The following MXI1 variants were observed in gnomAD, a reference collection of about 807,000 sequenced individuals.
The protein encoded by MXI1 is MAX interactor 1, dimerization protein, also known as max-interacting protein 1.
MXI1 carries 18 observed loss-of-function variants against 36.9 expected under a neutral mutation model. The ratio of observed to expected loss-of-function variants is 0.49; its 90% CI spans 0.34 to 0.72. The LOEUF (loss-of-function observed/expected upper bound fraction) is 0.72, where lower values mean the gene tolerates loss of function less well. Ranked by LOEUF, MXI1 falls within the 30% of genes least tolerant of loss-of-function variation. MXI1 has a pLI of 0.01. For synonymous variants in MXI1, 160 were observed against 146.7 expected (o/e 1.09, Z -0.65); for missense variants, 304 against 379.1 (o/e 0.80, Z 1.64).
At chr10:110,254,792 G>C (rs1856227521) in intron 3 of MXI1, among the ~76,000 whole-genome samples, 1 of 152,132 alleles carries the variant, frequency 6.6e-6, no homozygotes, top group Non-Finnish European at 1.5e-5. Context: ...TTCTGTGAAG[G>C]CTAAGAGAGG....
At chr10:110,280,284 T>C (rs1170729310) in intron 5 of MXI1, among the ~76,000 whole-genome samples, 199 bp downstream of exon 5, 2 of 151,096 alleles carry the variant, frequency 1.3e-5, no homozygotes, top group Non-Finnish European at 3.0e-5. Flanking sequence ...AAAAAAAATA[T>C]ATTTATATAT....
Position 110,284,984 on chromosome 10 carries a change from A to C in MXI1, c.885A>C (p.Ser295=), listed in dbSNP as rs1258735180. The change falls in exon 6 of 6, where the codon TCA becomes TCC. Residue 295 remains serine, a synonymous_variant. Coordinates refer to ENST00000332674, the MANE Select transcript of MXI1 (RefSeq NM_130439.3). ...CCAGTGTCAAACTTTCATTCACTTC[A>C]TAGAACCCAGCATGACATAACAGTG... The part of the protein sequence containing the change: ...SSASVKLSFT[S] The C allele has an allele frequency of 8.1e-6, 13 of 1,611,608 alleles. No homozygotes were observed. The highest frequency in any genetic ancestry group is 1.1e-5 in the Non-Finnish European group (13 of 1,179,088).
chr10:110,251,010 T>TAAA lies in MXI1; in HGVS notation c.437+6177_437+6179dup, dbSNP rs60315131. Among the ~76,000 whole-genome samples, 102 of 54,898 alleles carry TAAA rather than the reference T, an allele frequency of 1.9e-3. 1 individual carries two copies. The highest frequency in any genetic ancestry group is 7.3e-3 in the African/African-American group (73 of 9,978). 36.0% of individuals were successfully genotyped at this position (54,898 alleles called of 152,430 possible). A position where few individuals can be genotyped will look rare whatever the true frequency, so the allele number is the denominator to read the frequency against. Reference sequence around the variant, plus strand: ...CAAGGAGAAGTGACTAAGTATTTGTTAAAAAAAAAAAAAAAAAAAAAAAAA... The same window carrying TAAA: ...CAAGGAGAAGTGACTAAGTATTTGTTAAAAAAAAAAAAAAAAAAAAAAAAAAAA... On this transcript the variant is annotated intron_variant, in intron 3 of 5. Transcript: ENST00000332674.
chr10:110,227,132 G>A (rs1319637045), intron 1 of MXI1, among the ~76,000 whole-genome samples: 1 of 105,932 alleles, frequency 9.4e-6, no homozygotes, highest in African/African-American at 3.8e-5. Flanking sequence ...CGCACGTTAG[G>A]GGAGGGGCGT....
intron 1 of MXI1, chr10:110,226,182 A>G: frequency 6.8e-7 from 1 of 1,461,108 alleles, no homozygotes; most frequent in Non-Finnish European, 9.0e-7. Context: ...GGGAGTGCGG[A>G]GAGGCGCCGG....
At chr10:110,222,710 T>C (rs1854848868) in intron 1 of MXI1, among the ~76,000 whole-genome samples, 2 of 152,216 alleles carry the variant, frequency 1.3e-5, no homozygotes, top group South Asian at 4.1e-4. Flanking sequence ...AAGCCTTGCT[T>C]TTCCTGTTTC....
intron 3 of MXI1, chr10:110,245,759 G>C (rs1290766730): frequency 6.6e-6 from 1 of 152,148 alleles, no homozygotes; most frequent in Admixed American, 6.6e-5. Flanking sequence ...GAATTGGTTG[G>C]TTGGGAGAAG....
At chr10:110,280,213 A>C (rs1857182840) in intron 5 of MXI1, 128 bp downstream of exon 5, 1 of 735,554 alleles carries the variant, frequency 1.4e-6, no homozygotes, top group Non-Finnish European at 2.0e-6. Flanking sequence ...GGTTTTATGC[A>C]ATCATAATAT....
intron 3 of MXI1, among the ~76,000 whole-genome samples, chr10:110,246,806 T>C (rs1286477019): frequency 1.3e-5 from 2 of 152,196 alleles, no homozygotes. Context: ...AAGAATCTTT[T>C]CTGCCTTTTA....
chr10:110,261,539 T>C (rs1856513359), intron 3 of MXI1, among the ~76,000 whole-genome samples: 1 of 151,954 alleles, frequency 6.6e-6, no homozygotes, highest in South Asian at 2.1e-4. Context: ...TCCTCTAAAA[T>C]TACGTGATAG....
intron 3 of MXI1, among the ~76,000 whole-genome samples, chr10:110,278,707 T>G (rs551263895): frequency 1.4e-4 from 16 of 113,204 alleles, no homozygotes; most frequent in African/African-American, 5.9e-4. Flanking sequence ...GTAGGGTGTG[T>G]GTGTGTGTGT....
chr10:110,210,240 A>T (rs1854478204), intron 1 of MXI1: 2 of 984,404 alleles, frequency 2.0e-6, no homozygotes, highest in African/African-American at 1.8e-5. Context: ...CCATCGCCCG[A>T]GGCGTCCGCC....
At chr10:110,220,712 C>G (rs549719582) in intron 1 of MXI1, among the ~76,000 whole-genome samples, 2 of 152,322 alleles carry the variant, frequency 1.3e-5, no homozygotes, top group East Asian at 1.9e-4. Context: ...TTTGAAAGAA[C>G]AGACTATTGC....
At chr10:110,271,024 G>A (rs917065707) in intron 3 of MXI1, among the ~76,000 whole-genome samples, 9 of 151,686 alleles carry the variant, frequency 5.9e-5, no homozygotes, top group African/African-American at 1.9e-4. Context: ...CCTGGGAGGC[G>A]GAGGTTGCAG....
intron 3 of MXI1, among the ~76,000 whole-genome samples, chr10:110,249,570 C>G (rs558605259): frequency 1.4e-3 from 177 of 129,914 alleles, no homozygotes; most frequent in Non-Finnish European, 1.6e-3. Flanking sequence ...CAGAGCAAGA[C>G]TTTGTCAAAA....
chr10:110,216,034 A>G (rs757489818), intron 1 of MXI1, among the ~76,000 whole-genome samples: 2 of 152,232 alleles, frequency 1.3e-5, no homozygotes, highest in African/African-American at 2.4e-5. Context: ...AAAGCTGTCA[A>G]CAGCTGACTT....
At position 110,285,084 on chromosome 10, in the gene MXI1, TAAAACAAAAC is replaced by T. The variant is rs16448; in HGVS notation, c.*113_*122del. ...TGGGTTCATGATGCAGTCTCCTCTT[TAAAACAAAAC>T]AAAACAAAACAAAACTATACTTGAA... is the stretch of plus-strand genomic sequence containing the variant. On this transcript the variant is annotated 3_prime_UTR_variant, in exon 6 of 6. Transcript: ENST00000332674. 55 of 901,546 alleles carry T rather than the reference TAAAACAAAAC, an allele frequency of 6.1e-5. No homozygotes were observed. Among genetic ancestry groups the T allele is most frequent in the East Asian group, 1.5e-4 (5 of 32,892 alleles). 55.8% of individuals were successfully genotyped at this position (901,546 alleles called of 1,614,324 possible).
intron 2 of MXI1, among the ~76,000 whole-genome samples, chr10:110,243,049 C>A (rs973083725): frequency 2.0e-5 from 3 of 151,874 alleles, no homozygotes; most frequent in African/African-American, 7.2e-5. Context: ...TATATTTTTT[C>A]TTCTAAACGT....
chr10:110,283,959 G>GT (rs1857351353), intron 5 of MXI1, among the ~76,000 whole-genome samples: 1 of 134,502 alleles, frequency 7.4e-6, no homozygotes, highest in South Asian at 2.4e-4. Flanking sequence ...TTTTTGTGTT[G>GT]TTGTGTTTTT....
Sources: allele counts gnomAD v4.1 joint callset (sites outside exome capture counted in the v4.1 genomes callset), GRCh38; gene constraint gnomAD v4.1.1; transcripts MANE v1.5; gene names NCBI Gene and HGNC (gene_info 2026-07-23, HGNC 2026-07-21).